Variants in LINC00632 observed in about 807,000 individuals in gnomAD.
LINC00632 encodes long independently transcribed non-coding RNA 632.
chrX:140,716,780 TACACACACACACACAC>T (rs200811174), intron 2 of LINC00632, among the ~76,000 whole-genome samples: 13 of 89,829 alleles, frequency 1.4e-4, no homozygotes, highest in African/African-American at 4.9e-4. Context: ...GCCCACAACA[TACACACACACACACAC>T]ACACACACAC....
intron 3 of LINC00632, chrX:140,764,611 G>A (rs1220426630): frequency 8.9e-6 from 1 of 112,386 alleles, no homozygotes; most frequent in Non-Finnish European, 1.9e-5. Flanking sequence ...CATCGGAGTA[G>A]GCACACTGCA....
chrX:140,780,993 T>C lies in LINC00632; in HGVS notation n.9012T>C, dbSNP rs776389432. 1.3e-4 allele frequency among the ~76,000 whole-genome samples: 14 copies of C among 110,665 alleles called. No homozygotes were observed. The East Asian group carries it at 3.4e-3, about 27-fold the overall frequency. ...TTCAGCACCTTGCTGCTCAACTGGCTTTCCTTATGTACGGTTCTGATTCCA... is the reference window on the plus strand; with the variant it reads ...TTCAGCACCTTGCTGCTCAACTGGCCTTCCTTATGTACGGTTCTGATTCCA... On this transcript the variant is annotated non_coding_transcript_exon_variant, in exon 5 of 5. Coordinates refer to ENST00000648200, the Ensembl canonical transcript of LINC00632.
intron 3 of LINC00632, among the ~76,000 whole-genome samples, chrX:140,746,275 C>T (rs769598458): frequency 4.5e-5 from 5 of 111,424 alleles, no homozygotes; most frequent in African/African-American, 1.3e-4. Flanking sequence ...ATATACAATG[C>T]ATAATTATTT....
chrX:140,785,172 GAATAATAATAATAT>G lies in LINC00632; in HGVS notation n.13205_13218del, dbSNP rs1223972873. ...TTATCATTGGTCTTACATGACCAAA[GAATAATAATAATAT>G]AATAATAATAATAATAATAATAACA... is the stretch of plus-strand genomic sequence containing the variant. On this transcript the variant is annotated non_coding_transcript_exon_variant, in exon 5 of 5. Transcript: ENST00000648200. Among the ~76,000 whole-genome samples, 269 of 87,150 alleles carry G rather than the reference GAATAATAATAATAT, an allele frequency of 3.1e-3. 1 individual carries two copies. Among genetic ancestry groups the G allele is most frequent in the Non-Finnish European group, 4.2e-3 (190 of 45,451 alleles). 75.7% of individuals were successfully genotyped at this position (87,150 alleles called of 115,157 possible).
intron 3 of LINC00632, among the ~76,000 whole-genome samples, chrX:140,745,957 C>T (rs1931321476): frequency 8.9e-6 from 1 of 111,811 alleles, no homozygotes; most frequent in Non-Finnish European, 1.9e-5. Context: ...CTTCACGCCT[C>T]CCTCCCCAGC....
At chrX:140,710,737 C>T (rs1459565916) in intron 1 of LINC00632, among the ~76,000 whole-genome samples, 1 of 110,378 alleles carries the variant, frequency 9.1e-6, no homozygotes, top group Non-Finnish European at 1.9e-5. Context: ...AAATAGATTT[C>T]GTTTTTGAGT....
chrX:140,774,710 T>A (rs957888596), exon 5 of LINC00632, among the ~76,000 whole-genome samples: 1 of 112,214 alleles, frequency 8.9e-6, no homozygotes, highest in Non-Finnish European at 1.9e-5. Flanking sequence ...TCCACTCTTG[T>A]TAATATAAAA....
chrX:140,757,939 G>A lies in LINC00632; in HGVS notation n.192-14139G>A, dbSNP rs1006468659. On this transcript the variant is annotated intron_variant and non_coding_transcript_variant, in intron 3 of 4. Transcript: ENST00000648200. ...AGCATCTAGGACTGTACTTGACACT[G>A]AGTTGGTTCTCTGAAATGTCATTTC... Among the ~76,000 whole-genome samples, 22 of 111,715 alleles carry A rather than the reference G, an allele frequency of 2.0e-4. 1 individual carries two copies. The highest frequency in any genetic ancestry group is 7.1e-4 in the African/African-American group (22 of 30,810).
chrX:140,719,605 C>T (rs1930694322), intron 2 of LINC00632, among the ~76,000 whole-genome samples: 1 of 108,879 alleles, frequency 9.2e-6, no homozygotes, highest in African/African-American at 3.3e-5. Flanking sequence ...CTCAGTCTCT[C>T]CTTTTAACAC....
rs142235755 is a variant in LINC00632 at position 140,725,770 on chromosome X, C to T, written n.105-8108C>T. Among the ~76,000 whole-genome samples, 923 of 111,846 alleles carry T rather than the reference C, an allele frequency of 8.3e-3. 6 individuals are homozygous for T. Among genetic ancestry groups the T allele is most frequent in the Non-Finnish European group, 0.013 (709 of 53,200 alleles). ...AATCACAGGGACTGATAGAGCAACA[C>T]TCAGATGTGGCCCACAACCACAGAT... On this transcript the variant is annotated intron_variant and non_coding_transcript_variant, in intron 2 of 4. Coordinates refer to ENST00000648200, the Ensembl canonical transcript of LINC00632.
chrX:140,782,670 T>C (rs1269693326), exon 5 of LINC00632: 2 of 111,722 alleles, frequency 1.8e-5, no homozygotes, highest in Non-Finnish European at 3.8e-5. Flanking sequence ...AAATGTCTCC[T>C]ACTTTCTAGT....
chrX:140,712,275 CA>C (rs1406151911), intron 2 of LINC00632: 1 of 107,963 alleles, frequency 9.3e-6, no homozygotes, highest in African/African-American at 3.4e-5. Flanking sequence ...ATTCTTGTTG[CA>C]AATTAAAATT....
exon 5 of LINC00632, among the ~76,000 whole-genome samples, chrX:140,775,428 G>T (rs1309378504): frequency 8.9e-6 from 1 of 112,023 alleles, no homozygotes; most frequent in Non-Finnish European, 1.9e-5. Flanking sequence ...AAGAATTTTG[G>T]GCAAAGGCAT....
At chrX:140,787,046 C>A (rs1414059896) in exon 5 of LINC00632, among the ~76,000 whole-genome samples, 4 of 111,297 alleles carry the variant, frequency 3.6e-5, no homozygotes, top group Non-Finnish European at 7.6e-5. Context: ...CTTTTAAGTT[C>A]TTACAATGTA....
intron 2 of LINC00632, chrX:140,713,984 C>T (rs936494778): frequency 7.8e-6 from 2 of 255,059 alleles, no homozygotes; most frequent in Non-Finnish European, 1.5e-5. Flanking sequence ...ACTCTCAAGG[C>T]CAGTAGACTC....
chrX:140,771,978 C>T, intron 3 of LINC00632: 1 of 219,046 alleles, frequency 4.6e-6, no homozygotes, highest in Non-Finnish European at 8.2e-6. Context: ...CCATGCCCGG[C>T]CCTGGCATAT....
chrX:140,719,291 AAC>A (rs756784320), intron 2 of LINC00632, among the ~76,000 whole-genome samples: 26 of 110,464 alleles, frequency 2.4e-4, no homozygotes, highest in Non-Finnish European at 4.0e-4. Flanking sequence ...ATACCCGATA[AAC>A]AGTCACTCCT....
intron 3 of LINC00632, among the ~76,000 whole-genome samples, chrX:140,736,326 G>A (rs1325828447): frequency 9.2e-6 from 1 of 109,230 alleles, no homozygotes; most frequent in Non-Finnish European, 1.9e-5. Flanking sequence ...GAACATTGGA[G>A]TTGAATTTCT....
At position 140,775,532 on chromosome X, in the gene LINC00632, G is replaced by A. The variant is rs150125464; in HGVS notation, n.3551G>A. 3.1e-3 allele frequency among the ~76,000 whole-genome samples: 343 copies of A among 112,159 alleles called. 1 individual carries two copies. Among genetic ancestry groups the A allele is most frequent in the African/African-American group, 0.011 (325 of 30,863 alleles). ...GGACAGTTATTCTGGGGAATAGAGA[G>A]GAAGTCCAAATAACATCGCTGTTGT... On this transcript the variant is annotated non_coding_transcript_exon_variant, in exon 5 of 5. Transcript: ENST00000648200.
Sources: gnomAD v4.1 joint callset for allele counts (sites outside exome capture counted in the v4.1 genomes callset) on GRCh38, gnomAD v4.1.1 for gene constraint, MANE v1.5 for transcripts, NCBI Gene and HGNC (gene_info 2026-07-23, HGNC 2026-07-21) for gene names.